The following RANBP17 variants were observed in gnomAD, a reference collection of about 807,000 sequenced individuals.
RANBP17 encodes the protein ran-binding protein 17.
In RANBP17, 158 loss-of-function variants were observed where a neutral mutation model predicts 141.2. The ratio of observed to expected loss-of-function variants is 1.12; its 90% confidence interval spans 0.98 to 1.28. RANBP17 has a LOEUF of 1.28. Ranked by LOEUF, RANBP17 falls within the 50% of genes most tolerant of loss-of-function variation. The pLI is 0.00. For synonymous variants in RANBP17, 430 were observed against 450.0 expected (o/e 0.96, Z 0.56); for missense variants, 1,438 against 1,290.7 (o/e 1.11, Z -1.75).
chr5:171,201,794 T>C (rs1762311863), intron 19 of RANBP17, among the ~76,000 whole-genome samples: 1 of 152,274 alleles, frequency 6.6e-6, no homozygotes, highest in African/African-American at 2.4e-5. Context: ...TAAATGCTTT[T>C]AAATGTAATT....
At chr5:170,982,759 A>G (rs1339530094) in intron 14 of RANBP17, among the ~76,000 whole-genome samples, 1 of 152,166 alleles carries the variant, frequency 6.6e-6, no homozygotes, top group Non-Finnish European at 1.5e-5. Context: ...AAGTGAGTGA[A>G]AGAAGATCCA....
chr5:170,975,476 A>C (rs1777295758), intron 14 of RANBP17, among the ~76,000 whole-genome samples: 1 of 152,210 alleles, frequency 6.6e-6, no homozygotes, highest in African/African-American at 2.4e-5. Context: ...CAGTGAGCCG[A>C]GATTGCGCCA....
intron 12 of RANBP17, among the ~76,000 whole-genome samples, chr5:170,930,404 TTTTA>T (rs201554306): frequency 0.019 from 2,865 of 151,484 alleles, 48 homozygotes; most frequent in Non-Finnish European, 0.023. Context: ...TTATTTTTTA[TTTTA>T]TTTATTTATT....
intron 21 of RANBP17, among the ~76,000 whole-genome samples, chr5:171,221,525 G>A (rs1334119931): frequency 6.6e-6 from 1 of 152,166 alleles, no homozygotes; most frequent in Non-Finnish European, 1.5e-5. Flanking sequence ...GATAAAAAAT[G>A]AACTCTTTGA....
At chr5:171,272,402 A>G (rs150321580) in intron 25 of RANBP17, among the ~76,000 whole-genome samples, 50 of 152,348 alleles carry the variant, frequency 3.3e-4, no homozygotes, top group African/African-American at 1.2e-3. Context: ...AGTGCTTACT[A>G]TCTGCAAGCA....
intron 24 of RANBP17, among the ~76,000 whole-genome samples, chr5:171,257,385 A>C (rs1236368813): frequency 6.6e-6 from 1 of 152,212 alleles, no homozygotes; most frequent in Non-Finnish European, 1.5e-5. Flanking sequence ...AACCCTCAAC[A>C]AACTAGGCTT....
At chr5:171,081,832 C>T (rs974548376) in intron 14 of RANBP17, among the ~76,000 whole-genome samples, 6 of 152,130 alleles carry the variant, frequency 3.9e-5, no homozygotes, top group African/African-American at 1.2e-4. Flanking sequence ...TTAGATATGT[C>T]GAATGCAATT....
Position 171,170,116 on chromosome 5 carries a change from A to G in RANBP17, c.1711-14A>G, listed in dbSNP as rs781395707. The stretch of plus-strand genomic sequence containing the variant: ...TAATAGTAAAACTTTTAACAATGAA[A>G]TGTTTTAATGCAGGTATATGCTCGT... On this transcript the variant is annotated splice_polypyrimidine_tract_variant and intron_variant, in intron 14 of 27. Coordinates refer to ENST00000523189, the MANE Select transcript of RANBP17 (RefSeq NM_022897.5). 4.9e-6 allele frequency: 7 copies of G among 1,432,322 alleles called. No individual in the cohort carries two copies. Among genetic ancestry groups the G allele is most frequent in the Non-Finnish European group, 9.5e-7 (1 of 1,049,054 alleles). The allele number at this position is 1,432,322 out of a possible 1,614,324, so 88.7% of individuals were successfully genotyped here. A position where few individuals can be genotyped will look rare whatever the true frequency, so the allele number is the denominator to read the frequency against.
At chr5:170,955,648 G>GTGTATATATATA (rs1242245418) in intron 13 of RANBP17, among the ~76,000 whole-genome samples, 3 of 21,768 alleles carry the variant, frequency 1.4e-4, no homozygotes, top group Non-Finnish European at 1.8e-4. Context: ...TATGCTCAGT[G>GTGTATATATATA]TATATATATA....
chr5:170,955,658 A>ATATATATATATGCTCAGTG (rs1775624568), intron 13 of RANBP17, among the ~76,000 whole-genome samples: 2 of 53,490 alleles, frequency 3.7e-5, no homozygotes, highest in African/African-American at 5.4e-5. Flanking sequence ...GTATATATAT[A>ATATATATATATGCTCAGTG]TATATATATA....
Position 171,095,788 on chromosome 5 carries a change from C to A in RANBP17, c.1711-74342C>A, listed in dbSNP as rs76915008. On this transcript the variant is annotated intron_variant, in intron 14 of 27. Transcript: ENST00000523189. Reference sequence around the variant, plus strand: ...CCGACACACCCACACAGTCAAAAATCTGAGCGTAACTTTAGACTCCCCAAA... The same window carrying A: ...CCGACACACCCACACAGTCAAAAATATGAGCGTAACTTTAGACTCCCCAAA... 5.9e-3 allele frequency among the ~76,000 whole-genome samples: 904 copies of A among 152,214 alleles called. 15 individuals carry two copies. The highest frequency in any genetic ancestry group is 0.021 in the African/African-American group (874 of 41,532).
chr5:171,138,733 A>G (rs1156729359), intron 14 of RANBP17, among the ~76,000 whole-genome samples: 8 of 152,176 alleles, frequency 5.3e-5, no homozygotes, highest in Admixed American at 3.3e-4. Flanking sequence ...AATGGATGGT[A>G]TATAGGAATT....
rs757634108 is a variant in RANBP17, at chr5:171,137,571, G to GGTGTGTGTGT, written c.1711-32559_1711-32558insGTGTGTGTGT. On this transcript the variant is annotated intron_variant, in intron 14 of 27. Transcript: ENST00000523189. Reference sequence around the variant, plus strand: ...CTAGGAAATGCTTCTGTTGACTTGAGATGTGTGTGTGTGTGTGTGTGTGTG... The same window carrying GGTGTGTGTGT: ...CTAGGAAATGCTTCTGTTGACTTGAGGTGTGTGTGTATGTGTGTGTGTGTGTGTGTGTGTG... Among the ~76,000 whole-genome samples the GGTGTGTGTGT allele has an allele frequency of 3.0e-3, 188 of 62,768 alleles. 1 individual carries two copies. Among genetic ancestry groups the GGTGTGTGTGT allele is most frequent in the Admixed American group, 5.4e-3 (32 of 5,934 alleles). 41.2% of individuals were successfully genotyped at this position (62,768 alleles called of 152,430 possible). A position where few individuals can be genotyped will look rare whatever the true frequency, so the allele number is the denominator to read the frequency against.
intron 12 of RANBP17, among the ~76,000 whole-genome samples, chr5:170,937,860 A>G (rs1195283534): frequency 1.3e-5 from 2 of 152,214 alleles, no homozygotes; most frequent in Non-Finnish European, 2.9e-5. Context: ...AATATATAGC[A>G]CAGACAATTA....
At chr5:171,144,833 G>A (rs1019782089) in intron 14 of RANBP17, among the ~76,000 whole-genome samples, 7 of 152,178 alleles carry the variant, frequency 4.6e-5, no homozygotes, top group Non-Finnish European at 7.3e-5. Context: ...ATAGACCATG[G>A]AGCGCTCTGC....
chr5:171,194,663 G>A (rs1761858431), intron 18 of RANBP17, among the ~76,000 whole-genome samples: 1 of 152,128 alleles, frequency 6.6e-6, no homozygotes, highest in South Asian at 2.1e-4. Context: ...ATACAGCTGT[G>A]AGCATTTGCA....
chr5:170,970,541 T>C (rs1338287507), intron 14 of RANBP17: 2 of 152,086 alleles, frequency 1.3e-5, no homozygotes, highest in Non-Finnish European at 2.9e-5. Context: ...TAGAAGAAAA[T>C]GTTTCCCCTG....
At chr5:171,004,119 C>T (rs749583727) in intron 14 of RANBP17, among the ~76,000 whole-genome samples, 90 of 152,032 alleles carry the variant, frequency 5.9e-4, no homozygotes, top group Admixed American at 4.4e-3. Flanking sequence ...CCCTTAAAGC[C>T]TGTTGTGGGA....
At chr5:171,037,738 G>A (rs1039738298) in intron 14 of RANBP17, among the ~76,000 whole-genome samples, 1 of 152,162 alleles carries the variant, frequency 6.6e-6, no homozygotes, top group Non-Finnish European at 1.5e-5. Context: ...TAGGTGTGTA[G>A]CTTTACTTCT....
Sources: allele counts gnomAD v4.1 joint callset (sites outside exome capture counted in the v4.1 genomes callset), GRCh38; gene constraint gnomAD v4.1.1; transcripts MANE v1.5; gene names NCBI Gene and HGNC (gene_info 2026-07-23, HGNC 2026-07-21).